Variants in UGGT2 observed in about 807,000 individuals in gnomAD.
The protein encoded by UGGT2 is UDP-glucose:glycoprotein glucosyltransferase 2.
A neutral mutation model predicts 192.1 loss-of-function variants in UGGT2; 180 were observed. The ratio of observed to expected loss-of-function variants is 0.94; its 90% CI spans 0.83 to 1.06. The LOEUF is 1.06. Among genes scored for constraint, UGGT2 ranks in the 50% least tolerant of loss-of-function variants. UGGT2 has a pLI of 0.00. For missense variants in UGGT2, 1,849 were observed against 1,795.7 expected, an observed-to-expected ratio of 1.03 and a Z score of -0.54; for synonymous variants, 580 against 591.0, an observed-to-expected ratio of 0.98 and a Z score of 0.27.
chr13:95,809,420 G>A, intron 38 of UGGT2: 1 of 387,760 alleles, frequency 2.6e-6, no homozygotes, highest in Admixed American at 3.4e-5. Flanking sequence ...AGCCACTTCA[G>A]CCCATTTTCC....
At chr13:95,909,746 G>GTAT (rs2048416758) in intron 20 of UGGT2, among the ~76,000 whole-genome samples, 2 of 40,596 alleles carry the variant, frequency 4.9e-5, no homozygotes, top group Admixed American at 6.0e-4. Flanking sequence ...AAAACTTGAA[G>GTAT]TATAATAATA....
intron 2 of UGGT2, among the ~76,000 whole-genome samples, chr13:96,029,129 C>T (rs190569273): frequency 2.0e-5 from 3 of 151,990 alleles, no homozygotes; most frequent in African/African-American, 2.4e-5. Context: ...CCAGCCTGGG[C>T]GACACAGTGA....
intron 12 of UGGT2, among the ~76,000 whole-genome samples, chr13:95,968,551 C>G (rs2050663370): frequency 6.6e-6 from 1 of 151,986 alleles, no homozygotes; most frequent in African/African-American, 2.4e-5. Context: ...CTAGCAAGAC[C>G]AGGCTGCTTA....
intron 4 of UGGT2, among the ~76,000 whole-genome samples, chr13:96,015,000 C>T (rs1348672120): frequency 1.3e-5 from 2 of 152,036 alleles, no homozygotes; most frequent in African/African-American, 4.8e-5. Flanking sequence ...GAAAGGCGGC[C>T]AGGCGCGGTG....
At chr13:95,912,012 A>G (rs1218046691) in intron 20 of UGGT2, among the ~76,000 whole-genome samples, 1 of 152,364 alleles carries the variant, frequency 6.6e-6, no homozygotes, top group East Asian at 1.9e-4. Flanking sequence ...TAGATGCAGA[A>G]AAGGCCTTTA....
intron 20 of UGGT2, among the ~76,000 whole-genome samples, chr13:95,919,840 T>C (rs2048793001): frequency 1.3e-5 from 2 of 152,086 alleles, no homozygotes; most frequent in Non-Finnish European, 1.5e-5. Context: ...TCTTCACATA[T>C]TTAGAAAAAG....
chr13:95,931,388 A>G (rs1203037499), intron 17 of UGGT2, among the ~76,000 whole-genome samples: 2 of 152,094 alleles, frequency 1.3e-5, no homozygotes, highest in Non-Finnish European at 1.5e-5. Context: ...AGTGGATCCC[A>G]CACCTGGGCC....
At chr13:95,872,536 C>T (rs73558615) in intron 29 of UGGT2, among the ~76,000 whole-genome samples, 2,488 of 152,104 alleles carry the variant, frequency 0.016, 62 homozygotes, top group African/African-American at 0.057. Flanking sequence ...ATATTGACCT[C>T]GTTAGACTTT....
rs1887371994 is a variant in UGGT2, at chr13:95,837,099, T to C, written c.4388A>G (p.Lys1463Arg). 6.8e-6 allele frequency: 11 copies of C among 1,612,424 alleles called. No individual in the cohort carries two copies. The highest frequency in any genetic ancestry group is 1.7e-5 in the Admixed American group (1 of 60,004). The change falls in exon 37 of 39, where the codon AAA becomes AGA. Residue 1463 changes from lysine to arginine, a missense_variant. Transcript: ENST00000376747. ...AAAGACACTCACCAGATCAATTGTT[T>C]TGGCTCTTTGTTTGGATTCATCATC... ...WCDDESKQRAKTIDLCNNPKT... is the reference protein window; with the variant it reads ...WCDDESKQRARTIDLCNNPKT...
intron 36 of UGGT2, among the ~76,000 whole-genome samples, chr13:95,848,779 T>G (rs1888726617): frequency 6.6e-6 from 1 of 152,224 alleles, no homozygotes; most frequent in South Asian, 2.1e-4. Context: ...CTATATAAAC[T>G]TTAAAATCAG....
At chr13:96,024,871 A>AG (rs1307167229) in intron 2 of UGGT2, among the ~76,000 whole-genome samples, 1 of 152,176 alleles carries the variant, frequency 6.6e-6, no homozygotes, top group Non-Finnish European at 1.5e-5. Flanking sequence ...TCTGACTGGA[A>AG]GCAGACATTT....
In UGGT2 at chr13:96,031,938, A is replaced by C. The variant is rs778614218; in HGVS notation, c.192T>G (p.Phe64Leu). ...CTTGCACAGTTTCCAAAAACTGCCAAAATTTTTCATTACTTTCTTCTGCCA... is the reference window on the plus strand; with the variant it reads ...CTTGCACAGTTTCCAAAAACTGCCACAATTTTTCATTACTTTCTTCTGCCA... The part of the protein sequence containing the change: ...EFMAEESNEK[F>L]WQFLETVQEL... Residue 64 changes from phenylalanine (F) to leucine (L), a missense_variant, in exon 2 of 39, where the codon TTT (phenylalanine) becomes TTG (leucine). Phe to Leu is a conservative substitution (Grantham distance 22, BLOSUM62 0). Coordinates refer to ENST00000376747, the MANE Select transcript of UGGT2 (RefSeq NM_020121.4). 1 of 1,611,616 alleles carries C rather than the reference A, an allele frequency of 6.2e-7. No homozygotes were observed. Among genetic ancestry groups the C allele is most frequent in the Non-Finnish European group, 8.5e-7 (1 of 1,178,928 alleles).
intron 38 of UGGT2, among the ~76,000 whole-genome samples, chr13:95,804,167 G>A (rs1047179461): frequency 6.6e-6 from 1 of 151,946 alleles, no homozygotes; most frequent in African/African-American, 2.4e-5. Context: ...GAAAATATAA[G>A]TACAAAAGAT....
intron 1 of UGGT2, among the ~76,000 whole-genome samples, chr13:96,033,488 T>G (rs1428995689): frequency 2.0e-5 from 3 of 152,052 alleles, no homozygotes; most frequent in African/African-American, 7.2e-5. Context: ...TGCCTCCTAC[T>G]GAGTTGGCGG....
Position 95,970,098 on chromosome 13 carries a change from G to C in UGGT2, c.1335+14C>G. 1 of 1,595,852 alleles carries C rather than the reference G, an allele frequency of 6.3e-7. No individual in the cohort carries two copies. Among genetic ancestry groups the C allele is most frequent in the South Asian group, 1.1e-5 (1 of 89,952 alleles). Reference sequence around the variant, plus strand: ...ACTACAGGTTTTAGAACAAGGAATAGCATAAGCACTTACCATTATAGAAGA... The same window carrying C: ...ACTACAGGTTTTAGAACAAGGAATACCATAAGCACTTACCATTATAGAAGA... On this transcript the variant is annotated intron_variant, in intron 12 of 38. Transcript: ENST00000376747.
intron 15 of UGGT2, among the ~76,000 whole-genome samples, chr13:95,944,268 G>A (rs2049790355): frequency 6.6e-6 from 1 of 151,902 alleles, no homozygotes; most frequent in African/African-American, 2.4e-5. Flanking sequence ...ACTAATTTAG[G>A]TAATATTTCC....
In UGGT2 at chr13:96,004,358, A is replaced by G. The variant is rs540745599; in HGVS notation, c.661-5051T>C. 5.9e-5 allele frequency among the ~76,000 whole-genome samples: 9 copies of G among 152,286 alleles called. No individual in the cohort carries two copies. In the South Asian group the frequency reaches 1.9e-3, roughly 32 times the overall value. ...AAACATTTTATTATTTCTTTGTGTT[A>G]GGAACATTCCAATTTTTGAAGTCAG... On this transcript the variant is annotated intron_variant, in intron 5 of 38. Coordinates refer to ENST00000376747, the MANE Select transcript of UGGT2 (RefSeq NM_020121.4).
intron 27 of UGGT2, among the ~76,000 whole-genome samples, chr13:95,883,967 A>G (rs2047567365): frequency 6.6e-6 from 1 of 151,122 alleles, no homozygotes; most frequent in Non-Finnish European, 1.5e-5. Flanking sequence ...GGTGATGAGA[A>G]GCAGGTATAC....
intron 10 of UGGT2, among the ~76,000 whole-genome samples, chr13:95,977,043 AC>A (rs1211153116): frequency 6.6e-6 from 1 of 152,236 alleles, no homozygotes; most frequent in East Asian, 1.9e-4. Context: ...TTATACAAAA[AC>A]TAACTCAAGA....
Sources: allele counts gnomAD v4.1 joint callset (sites outside exome capture counted in the v4.1 genomes callset), GRCh38; gene constraint gnomAD v4.1.1; transcripts MANE v1.5; gene names NCBI Gene and HGNC (gene_info 2026-07-23, HGNC 2026-07-21).